ITPRID1: variants seen among roughly 807,000 people sequenced by gnomAD.
ITPRID1 encodes protein ITPRID1.
A neutral mutation model predicts 95.4 loss-of-function variants in ITPRID1; 96 were observed. The observed-to-expected ratio is 1.01, with a 90% CI of 0.85 to 1.19. The LOEUF (loss-of-function observed/expected upper bound fraction) is 1.19. Among genes scored for constraint, ITPRID1 ranks in the 50% most tolerant of loss-of-function variants. The pLI, the probability that ITPRID1 is intolerant of heterozygous loss-of-function variation, is 0.00. For synonymous variants in ITPRID1, 510 were observed against 453.6 expected (o/e 1.12, Z -1.58); for missense variants, 1,339 against 1,252.9 (o/e 1.07, Z -1.04).
At chr7:31,516,831 C>G (rs987287910) in intron 1 of ITPRID1, among the ~76,000 whole-genome samples, 1 of 152,116 alleles carries the variant, frequency 6.6e-6, no homozygotes, top group African/African-American at 2.4e-5. Flanking sequence ...GGTGGGTTCT[C>G]GGTCTCGCTG....
rs556522524 is a variant in ITPRID1 at position 31,653,263 on chromosome 7, T to C, written c.*434T>C. The C allele has an allele frequency of 1.2e-5, 2 of 169,838 alleles. No individual in the cohort carries two copies. Among genetic ancestry groups the C allele is most frequent in the Admixed American group, 1.1e-4 (2 of 18,410 alleles). The allele number at this position is 169,838 out of a possible 1,614,324, so 10.5% of individuals were successfully genotyped here. ...TCAACATTTAGTGGGGAAAGGGTGCTAATGGGGAAAGAGGTGTGGGTACAT... is the reference window on the plus strand; with the variant it reads ...TCAACATTTAGTGGGGAAAGGGTGCCAATGGGGAAAGAGGTGTGGGTACAT... On this transcript the variant is annotated 3_prime_UTR_variant, in exon 15 of 15. Transcript: ENST00000615280.
At chr7:31,621,276 G>C (rs1463344509) in intron 10 of ITPRID1, among the ~76,000 whole-genome samples, 1 of 109,442 alleles carries the variant, frequency 9.1e-6, no homozygotes, top group Non-Finnish European at 1.9e-5. Flanking sequence ...GATACTCCTC[G>C]AGAAGAGCAA....
chr7:31,590,567 A>C (rs2128154058), intron 10 of ITPRID1, among the ~76,000 whole-genome samples: 1 of 152,324 alleles, frequency 6.6e-6, no homozygotes, highest in East Asian at 1.9e-4. Flanking sequence ...CCAGTTCCAC[A>C]ACATTGAACC....
chr7:31,607,243 A>C (rs888404516), intron 10 of ITPRID1, among the ~76,000 whole-genome samples: 5 of 152,098 alleles, frequency 3.3e-5, no homozygotes, highest in African/African-American at 1.2e-4. Context: ...TATCTTAGCA[A>C]AATTAATTTG....
intron 10 of ITPRID1, among the ~76,000 whole-genome samples, chr7:31,620,441 T>C (rs2128176121): frequency 6.6e-6 from 1 of 151,552 alleles, no homozygotes; most frequent in Non-Finnish European, 1.5e-5. Context: ...ACAGCAGCAT[T>C]CGAGATTCAC....
chr7:31,644,093 G>C, intron 12 of ITPRID1, 140 bp downstream of exon 12: 1 of 725,142 alleles, frequency 1.4e-6, no homozygotes, highest in Non-Finnish European at 2.2e-6. Flanking sequence ...CATTTGTAGA[G>C]TGCTTTATTG....
At chr7:31,539,445 G>C (rs1366310567) in intron 1 of ITPRID1, among the ~76,000 whole-genome samples, 1 of 152,102 alleles carries the variant, frequency 6.6e-6, no homozygotes, top group Non-Finnish European at 1.5e-5. Flanking sequence ...CTCCCACAGT[G>C]CTGGCATTAC....
chr7:31,599,138 A>G (rs1417384378), intron 10 of ITPRID1, among the ~76,000 whole-genome samples: 2 of 152,250 alleles, frequency 1.3e-5, no homozygotes, highest in Non-Finnish European at 2.9e-5. Flanking sequence ...TGAAATAGTG[A>G]AAAACTTTTG....
At chr7:31,588,359 A>G (rs1985657) in intron 10 of ITPRID1, among the ~76,000 whole-genome samples, 70,168 of 151,712 alleles carry the variant, frequency 0.46, 16,663 homozygotes, top group African/African-American at 0.54. Flanking sequence ...GGCCAGGTGC[A>G]GTGGCTCATG....
At chr7:31,622,319 ACAC>A (rs1215902976) in intron 10 of ITPRID1, among the ~76,000 whole-genome samples, 131 of 152,150 alleles carry the variant, frequency 8.6e-4, no homozygotes, top group Non-Finnish European at 1.5e-3. Context: ...TTTCAGCACC[ACAC>A]CACACCTATT....
At chr7:31,525,117 A>T (rs1479363337) in intron 1 of ITPRID1, among the ~76,000 whole-genome samples, 1 of 152,190 alleles carries the variant, frequency 6.6e-6, no homozygotes, top group Non-Finnish European at 1.5e-5. Flanking sequence ...TGCATTATTG[A>T]ATTAACCCCT....
chr7:31,559,165 G>T (rs1784546666), intron 5 of ITPRID1, among the ~76,000 whole-genome samples: 1 of 152,070 alleles, frequency 6.6e-6, no homozygotes, highest in African/African-American at 2.4e-5. Flanking sequence ...GGAGTTATTA[G>T]CTATCTCAAA....
chr7:31,636,018 G>A (rs780119079), intron 10 of ITPRID1, among the ~76,000 whole-genome samples: 3 of 152,082 alleles, frequency 2.0e-5, no homozygotes, highest in Non-Finnish European at 4.4e-5. Flanking sequence ...TTACAATCAC[G>A]GCAGAAGGCA....
chr7:31,658,469 G>C, downstream of ITPRID1: 2 of 1,289,990 alleles, frequency 1.6e-6, no homozygotes, highest in Non-Finnish European at 2.0e-6. Flanking sequence ...TTTGTAAAGA[G>C]GTTAGAGTAT....
intron 12 of ITPRID1, among the ~76,000 whole-genome samples, chr7:31,647,669 G>T (rs10951299): frequency 0.78 from 102,476 of 131,716 alleles, 39,375 homozygotes; most frequent in East Asian, 0.92. Flanking sequence ...GAGAGTCTCC[G>T]TCTCAAAAAA....
intron 1 of ITPRID1, among the ~76,000 whole-genome samples, chr7:31,541,802 G>A (rs956884314): frequency 6.6e-6 from 1 of 152,062 alleles, no homozygotes; most frequent in Non-Finnish European, 1.5e-5. Context: ...TGACCATATG[G>A]TAAGATTTTT....
chr7:31,552,906 A>G, intron 2 of ITPRID1, 96 bp from the exon 3 acceptor site: 1 of 1,228,270 alleles, frequency 8.1e-7, no homozygotes, highest in South Asian at 1.5e-5. Context: ...CATTCATCTG[A>G]CTGTAGGCAT....
chr7:31,646,083 A>T (rs1336239621), intron 12 of ITPRID1, among the ~76,000 whole-genome samples: 1 of 152,214 alleles, frequency 6.6e-6, no homozygotes, highest in Non-Finnish European at 1.5e-5. Context: ...CACATCCCGA[A>T]AAAAGATTAT....
chr7:31,532,750 T>G (rs1783638486), intron 1 of ITPRID1, among the ~76,000 whole-genome samples: 1 of 152,190 alleles, frequency 6.6e-6, no homozygotes, highest in Non-Finnish European at 1.5e-5. Context: ...AGATACCAGA[T>G]GATGTTTTAG....
Sources: allele counts gnomAD v4.1 joint callset (sites outside exome capture counted in the v4.1 genomes callset), GRCh38; gene constraint gnomAD v4.1.1; transcripts MANE v1.5; gene names NCBI Gene and HGNC (gene_info 2026-07-23, HGNC 2026-07-21).